Variants in FOXK1 observed in about 807,000 individuals in gnomAD.
The protein encoded by FOXK1 is forkhead box protein K1.
A neutral mutation model predicts 51.9 loss-of-function variants in FOXK1; 19 were observed. The ratio of observed to expected loss-of-function variants is 0.37; its 90% CI spans 0.26 to 0.54. The LOEUF is 0.54. Ranked by LOEUF, FOXK1 falls within the 20% of genes least tolerant of loss-of-function variation. The pLI is 0.87. For missense variants in FOXK1, 870 were observed against 1,032.7 expected (o/e 0.84, Z 2.16); for synonymous variants, 537 against 482.6 (o/e 1.11, Z -1.48).
intron 2 of FOXK1, among the ~76,000 whole-genome samples, chr7:4,742,179 C>G (rs1195129370): frequency 6.6e-6 from 1 of 152,216 alleles, no homozygotes; most frequent in Non-Finnish European, 1.5e-5. Context: ...CAGATCACAT[C>G]TTAGGGCTGT....
At chr7:4,754,848 G>C (rs1468352477) in intron 3 of FOXK1, 1 of 614,872 alleles carries the variant, frequency 1.6e-6, no homozygotes, top group Non-Finnish European at 2.8e-6. Context: ...GTCACCGAGG[G>C]CCCCTCCCGC....
Position 4,763,305 on chromosome 7 carries a change from C to G in FOXK1, c.*841C>G, listed in dbSNP as rs964438912. 4.6e-5 allele frequency: 7 copies of G among 152,242 alleles called. No individual in the cohort carries two copies. The highest frequency in any genetic ancestry group is 4.6e-4 in the Admixed American group (7 of 15,278). 9.4% of individuals were successfully genotyped at this position (152,242 alleles called of 1,614,324 possible). On this transcript the variant is annotated 3_prime_UTR_variant, in exon 9 of 9. Coordinates refer to ENST00000328914, the MANE Select transcript of FOXK1 (RefSeq NM_001037165.2). ...GCCTGGATCCGCCGGCCGCAGACATCGCGCTGCTGGGGACGATTGGGGCCG... is the reference window on the plus strand; with the variant it reads ...GCCTGGATCCGCCGGCCGCAGACATGGCGCTGCTGGGGACGATTGGGGCCG...
chr7:4,737,086 G>GA (rs999703079), intron 1 of FOXK1, among the ~76,000 whole-genome samples: 3 of 151,700 alleles, frequency 2.0e-5, no homozygotes, highest in African/African-American at 7.3e-5. Context: ...AATGTCTTAC[G>GA]AAAAAACACC....
chr7:4,743,145 G>A lies in FOXK1; in HGVS notation c.746+2122G>A, dbSNP rs1468653734. On this transcript the variant is annotated intron_variant, in intron 2 of 8. Transcript: ENST00000328914. The surrounding 1 kb of genome is among the most constrained non-coding windows in gnomAD (Gnocchi z 5.3). ...GCCTGGTGTGTGCCCGCCTGGCCCT[G>A]TGCTGAGCAGTGCACATGCAGTATT... Among the ~76,000 whole-genome samples the A allele has an allele frequency of 1.3e-5, 2 of 152,264 alleles. No individual in the cohort carries two copies. The highest frequency in any genetic ancestry group is 2.9e-5 in the Non-Finnish European group (2 of 68,048).
intron 1 of FOXK1, among the ~76,000 whole-genome samples, chr7:4,719,291 T>C (rs1269754840): frequency 6.6e-6 from 1 of 152,112 alleles, no homozygotes; most frequent in Non-Finnish European, 1.5e-5. Flanking sequence ...TGCACCACTA[T>C]GCCTGGCTAA....
rs1780474835 is a variant in FOXK1 at position 4,731,399 on chromosome 7, T to C, written c.561-9439T>C. Among the ~76,000 whole-genome samples the C allele has an allele frequency of 6.6e-6, 1 of 152,230 alleles. No homozygotes were observed. ...AAGTACCTGGAGTATGTAACAGCTT[T>C]TGCCTCCCATTCTTGAGTCTTTCAT... is the stretch of plus-strand genomic sequence containing the variant. On this transcript the variant is annotated intron_variant, in intron 1 of 8. Coordinates refer to ENST00000328914, the MANE Select transcript of FOXK1 (RefSeq NM_001037165.2). This position sits in a 1 kb window ranked among gnomAD's most constrained non-coding sequence, Gnocchi z 5.3.
At chr7:4,710,372 C>T (rs1032440300) in intron 1 of FOXK1, among the ~76,000 whole-genome samples, 1 of 152,140 alleles carries the variant, frequency 6.6e-6, no homozygotes, top group African/African-American at 2.4e-5. Flanking sequence ...GTCAGGAGTT[C>T]AAGGCCAGCC....
chr7:4,731,758 CAAAAA>C lies in FOXK1; in HGVS notation c.561-9065_561-9061del, dbSNP rs374959543. On this transcript the variant is annotated intron_variant, in intron 1 of 8. Transcript: ENST00000328914. The surrounding 1 kb of genome is among the most constrained non-coding windows in gnomAD (Gnocchi z 5.3). Reference sequence around the variant, plus strand: ...TGGGCAACAAAGCGAAACTCTGCCTCAAAAAAAAAAAAAAAAAAAGAAAACAGAGA... The same window carrying C: ...TGGGCAACAAAGCGAAACTCTGCCTCAAAAAAAAAAAAAAGAAAACAGAGA... Among the ~76,000 whole-genome samples, 13 of 68,666 alleles carry C rather than the reference CAAAAA, an allele frequency of 1.9e-4. No individual in the cohort carries two copies. The highest frequency in any genetic ancestry group is 1.4e-4 in the Admixed American group (1 of 7,124). 45.0% of individuals were successfully genotyped at this position (68,666 alleles called of 152,430 possible).
At chr7:4,737,547 CGTGCCTGTGTGTGTGTGTGTGTGT>C (rs1184432870) in intron 1 of FOXK1, among the ~76,000 whole-genome samples, 3 of 115,696 alleles carry the variant, frequency 2.6e-5, no homozygotes, top group Non-Finnish European at 5.1e-5. Context: ...CACGTGTGTG[CGTGCCTGTGTGTGTGTGTGTGTGT>C]GTGCATGCAT....
Position 4,759,166 on chromosome 7 carries a change from G to A in FOXK1, c.1360G>A (p.Gly454Arg). ...CCCCATTCCACACGACCCTGAGTTT[G>A]GGTCCAAGTTAGCTTCTGTCCCAGA... Reference protein sequence around the residue: ...GSPIPHDPEFGSKLASVPEYR... With the variant: ...GSPIPHDPEFRSKLASVPEYR... Residue 454 changes from glycine to arginine, a missense_variant, in exon 6 of 9, where the codon GGG becomes AGG. Physicochemically the swap from Gly to Arg is moderately radical, Grantham distance 125. Transcript: ENST00000328914. 1.2e-6 allele frequency: 2 copies of A among 1,612,860 alleles called. No individual in the cohort carries two copies. Among genetic ancestry groups the A allele is most frequent in the Non-Finnish European group, 1.7e-6 (2 of 1,179,890 alleles).
chr7:4,722,624 C>T lies in FOXK1; in HGVS notation c.561-18214C>T, dbSNP rs941638956. Among the ~76,000 whole-genome samples, 6 of 152,360 alleles carry T rather than the reference C, an allele frequency of 3.9e-5. No homozygotes were observed. The South Asian group carries it at 1.0e-3, about 26-fold the overall frequency. ...CATGCACGTCAGCCGCACACTCATGCACGTTCATGTGCTGTCTCTAGTGTT... is the reference window on the plus strand; with the variant it reads ...CATGCACGTCAGCCGCACACTCATGTACGTTCATGTGCTGTCTCTAGTGTT... On this transcript the variant is annotated intron_variant, in intron 1 of 8. Coordinates refer to ENST00000328914, the MANE Select transcript of FOXK1 (RefSeq NM_001037165.2). The surrounding 1 kb of genome is among the most constrained non-coding windows in gnomAD (Gnocchi z 5.1).
chr7:4,735,134 G>T lies in FOXK1; in HGVS notation c.561-5704G>T, dbSNP rs1780536157. Among the ~76,000 whole-genome samples, 1 of 152,146 alleles carries T rather than the reference G, an allele frequency of 6.6e-6. No individual in the cohort carries two copies. The highest frequency in any genetic ancestry group is 1.5e-5 in the Non-Finnish European group (1 of 68,020). ...ACATGACATGCCCCAAGTCACTCGGGCTCAGCACTGGTGGAGCGGTGGCCA... is the reference window on the plus strand; with the variant it reads ...ACATGACATGCCCCAAGTCACTCGGTCTCAGCACTGGTGGAGCGGTGGCCA... On this transcript the variant is annotated intron_variant, in intron 1 of 8. Transcript: ENST00000328914. The surrounding 1 kb of genome is among the most constrained non-coding windows in gnomAD (Gnocchi z 4.7).
chr7:4,733,718 C>T lies in FOXK1; in HGVS notation c.561-7120C>T, dbSNP rs975879017. Among the ~76,000 whole-genome samples, 2 of 152,232 alleles carry T rather than the reference C, an allele frequency of 1.3e-5. No homozygotes were observed. Among genetic ancestry groups the T allele is most frequent in the East Asian group, 1.9e-4 (1 of 5,200 alleles). ...CATGGGAACTGCATCCTGCAGGTAT[C>T]GCTCGTGAAAACCGGCCTGGCGTCT... On this transcript the variant is annotated intron_variant, in intron 1 of 8. Coordinates refer to ENST00000328914, the MANE Select transcript of FOXK1 (RefSeq NM_001037165.2). This position sits in a 1 kb window ranked among gnomAD's most constrained non-coding sequence, Gnocchi z 5.0.
At chr7:4,759,257 G>A (rs746221966) in intron 6 of FOXK1, 40 bp downstream of exon 6, 113 of 1,607,320 alleles carry the variant, frequency 7.0e-5, no homozygotes, top group Non-Finnish European at 9.2e-5. Flanking sequence ...GGGGCGGGGC[G>A]GGACTCGTGG....
intron 1 of FOXK1, among the ~76,000 whole-genome samples, chr7:4,706,036 G>GTGTATATATACGTGTATATACGTA (rs1562373226): frequency 2.0e-4 from 25 of 125,580 alleles, no homozygotes; most frequent in Admixed American, 4.4e-4. Flanking sequence ...GTATATACGT[G>GTGTATATATACGTGTATATACGTA]TATATACGTG....
chr7:4,754,526 G>A lies in FOXK1; in HGVS notation c.814G>A (p.Val272Met), dbSNP rs757846894. The A allele has an allele frequency of 2.0e-5, 32 of 1,612,342 alleles. No homozygotes were observed. The highest frequency in any genetic ancestry group is 2.5e-5 in the Non-Finnish European group (29 of 1,180,036). ...CTCCAGTTACCGCTTTGTGCAGAAC[G>A]TGACCTCGGACCTGCAGCTGGCAGC... ...GSSSYRFVQN[V>M]TSDLQLAAEF... The change falls in exon 3 of 9, where the codon GTG becomes ATG. Residue 272 changes from valine (V) to methionine (M), a missense_variant. Val to Met is a conservative substitution (Grantham distance 21). This residue lies in a region of FOXK1 where 399 missense variants were observed against 475.6 expected (regional missense o/e 0.84). Coordinates refer to ENST00000328914, the MANE Select transcript of FOXK1 (RefSeq NM_001037165.2).
intron 1 of FOXK1, among the ~76,000 whole-genome samples, chr7:4,704,450 CAAAAAAAAAAAAA>C (rs3050383): frequency 1.5e-5 from 1 of 66,478 alleles, no homozygotes; most frequent in Non-Finnish European, 3.1e-5. Context: ...GACTCTGTCT[CAAAAAAAAAAAAA>C]AAAAAGAAAA....
At position 4,729,680 on chromosome 7, in the gene FOXK1, C is replaced by T. The variant is rs926252780; in HGVS notation, c.561-11158C>T. Among the ~76,000 whole-genome samples the T allele has an allele frequency of 1.3e-5, 2 of 152,138 alleles. No homozygotes were observed. Among genetic ancestry groups the T allele is most frequent in the African/African-American group, 2.4e-5 (1 of 41,434 alleles). On this transcript the variant is annotated intron_variant, in intron 1 of 8. Transcript: ENST00000328914. The surrounding 1 kb of genome is among the most constrained non-coding windows in gnomAD (Gnocchi z 6.2). Reference sequence around the variant, plus strand: ...TCCAGGGTCTTCCTGAGACAGAGACCGAGACTTCAGCTTCAAAAAGAAACC... The same window carrying T: ...TCCAGGGTCTTCCTGAGACAGAGACTGAGACTTCAGCTTCAAAAAGAAACC...
chr7:4,741,092 A>T (rs1021818271), intron 2 of FOXK1, 69 bp downstream of exon 2: 2 of 1,133,600 alleles, frequency 1.8e-6, no homozygotes, highest in African/African-American at 1.6e-5. Context: ...TGCCTGTCGT[A>T]CGCAGCACCG....
Sources: allele counts gnomAD v4.1 joint callset (sites outside exome capture counted in the v4.1 genomes callset), GRCh38; gene constraint gnomAD v4.1.1; regional missense constraint gnomAD v4.1.1; non-coding constraint Gnocchi (gnomAD v3.1); transcripts MANE v1.5; gene names NCBI Gene and HGNC (gene_info 2026-07-23, HGNC 2026-07-21).